Variants in NBEA observed in about 807,000 individuals in gnomAD.
The protein encoded by NBEA is neurobeachin.
NBEA carries 44 observed loss-of-function variants against 343.4 expected under a neutral mutation model. The observed-to-expected ratio is 0.13, with a 90% CI of 0.10 to 0.16. NBEA has a LOEUF of 0.16. Among genes scored for constraint, NBEA ranks in the 10% least tolerant of loss-of-function variants. The pLI is 1.00. For synonymous variants in NBEA, 1,175 were observed against 1,238.7 expected, an observed-to-expected ratio of 0.95 and a Z score of 1.08; for missense variants, 2,555 against 3,631.3, an observed-to-expected ratio of 0.70 and a Z score of 7.62.
chr13:35,230,016 A>G (rs2074879845), intron 33 of NBEA, among the ~76,000 whole-genome samples: 1 of 152,136 alleles, frequency 6.6e-6, no homozygotes, highest in Admixed American at 6.6e-5. Flanking sequence ...TGCTGAGTAA[A>G]ATATTATATT....
intron 10 of NBEA, among the ~76,000 whole-genome samples, chr13:35,080,722 G>C (rs1372755331): frequency 6.6e-6 from 1 of 152,132 alleles, no homozygotes; most frequent in Admixed American, 6.5e-5. Flanking sequence ...AGAAACATAA[G>C]GAGTTCTAGT....
At chr13:35,542,046 C>G (rs996191943) in intron 41 of NBEA, among the ~76,000 whole-genome samples, 6 of 151,786 alleles carry the variant, frequency 4.0e-5, no homozygotes, top group African/African-American at 1.5e-4. Flanking sequence ...CTAAGGTAAG[C>G]AGGTCCATAA....
chr13:35,123,200 A>G (rs1235230140), intron 16 of NBEA, among the ~76,000 whole-genome samples: 2 of 152,222 alleles, frequency 1.3e-5, no homozygotes, highest in Non-Finnish European at 2.9e-5. Context: ...GCCAATTCTT[A>G]GAGAGAAGAC....
intron 39 of NBEA, among the ~76,000 whole-genome samples, chr13:35,443,146 A>T (rs1425959140): frequency 6.6e-6 from 1 of 152,096 alleles, no homozygotes; most frequent in African/African-American, 2.4e-5. Flanking sequence ...CTAATGCTGC[A>T]CATTTACTAT....
chr13:35,553,745 C>T (rs1370937445), intron 43 of NBEA, among the ~76,000 whole-genome samples: 1 of 152,148 alleles, frequency 6.6e-6, no homozygotes, highest in Non-Finnish European at 1.5e-5. Context: ...CCAAACTAAA[C>T]ACGAAGGAGT....
chr13:35,254,098 C>A (rs1277984957), intron 34 of NBEA, among the ~76,000 whole-genome samples: 1 of 151,840 alleles, frequency 6.6e-6, no homozygotes, highest in African/African-American at 2.4e-5. Context: ...ATCTAATTTT[C>A]AGCTGAAAAA....
intron 41 of NBEA, among the ~76,000 whole-genome samples, chr13:35,495,520 CT>C (rs1401816369): frequency 6.6e-6 from 1 of 151,964 alleles, no homozygotes; most frequent in East Asian, 1.9e-4. Context: ...GTGTTGCATC[CT>C]GACAAACCCA....
chr13:35,153,803 C>G (rs1024366832), intron 18 of NBEA, among the ~76,000 whole-genome samples: 1 of 152,140 alleles, frequency 6.6e-6, no homozygotes, highest in East Asian at 1.9e-4. Flanking sequence ...TTCCTTTAAG[C>G]TCGTCTGAAG....
intron 38 of NBEA, among the ~76,000 whole-genome samples, chr13:35,394,635 A>G (rs1329552511): frequency 6.6e-6 from 1 of 152,126 alleles, no homozygotes; most frequent in Non-Finnish European, 1.5e-5. Context: ...TCCACATAAC[A>G]TATGCATATA....
chr13:35,464,179 G>A (rs1047692559), intron 40 of NBEA, among the ~76,000 whole-genome samples: 1 of 151,978 alleles, frequency 6.6e-6, no homozygotes, highest in Non-Finnish European at 1.5e-5. Flanking sequence ...CCAGAAAAAG[G>A]GTAAACCCCA....
chr13:35,298,255 GCTT>G (rs2036291953), intron 35 of NBEA, among the ~76,000 whole-genome samples: 2 of 100,570 alleles, frequency 2.0e-5, no homozygotes, highest in Non-Finnish European at 4.2e-5. Flanking sequence ...ATATGTATAT[GCTT>G]CTTTTTTTAA....
chr13:35,425,151 G>T (rs958197756), intron 38 of NBEA, among the ~76,000 whole-genome samples: 1 of 152,072 alleles, frequency 6.6e-6, no homozygotes, highest in African/African-American at 2.4e-5. Flanking sequence ...ATTTCCTTCA[G>T]TTCTGCTCTA....
chr13:35,451,346 T>A (rs1293439300), intron 39 of NBEA, among the ~76,000 whole-genome samples: 1 of 152,142 alleles, frequency 6.6e-6, no homozygotes, highest in East Asian at 1.9e-4. Context: ...GATGGTCTCA[T>A]CTCCTGACCT....
chr13:35,411,862 T>C (rs1324202763), intron 38 of NBEA, among the ~76,000 whole-genome samples: 1 of 152,102 alleles, frequency 6.6e-6, no homozygotes, highest in African/African-American at 2.4e-5. Context: ...AGTTTTTTAT[T>C]TGTAAACTTC....
At chr13:35,019,115 T>C (rs903158891) in intron 1 of NBEA, among the ~76,000 whole-genome samples, 1 of 151,812 alleles carries the variant, frequency 6.6e-6, no homozygotes, top group African/African-American at 2.4e-5. Context: ...GGTCATGATG[T>C]CTTTTTTGTT....
chr13:35,671,154 G>T lies in NBEA; in HGVS notation c.*163G>T. 1 of 566,304 alleles carries T rather than the reference G, an allele frequency of 1.8e-6. No homozygotes were observed. Among genetic ancestry groups the T allele is most frequent in the Non-Finnish European group, 3.2e-6 (1 of 316,566 alleles). The allele number at this position is 566,304 out of a possible 1,614,324, so 35.1% of individuals were successfully genotyped here. ...TTGTAGTCAGCAACCATTTTACTTT[G>T]TGTGTTTTTTCACGACTGAACACCA... is the stretch of plus-strand genomic sequence containing the variant. On this transcript the variant is annotated 3_prime_UTR_variant, in exon 59 of 59. Coordinates refer to ENST00000379939, the MANE Select transcript of NBEA (RefSeq NM_001385012.1).
intron 38 of NBEA, among the ~76,000 whole-genome samples, chr13:35,393,045 TTCTGAGAAGCTGTTTTTTTACA>T (rs562666854): frequency 6.8e-4 from 103 of 152,280 alleles, no homozygotes; most frequent in African/African-American, 2.5e-3. Context: ...TCTACATTCT[TTCTGAGAAGCTGTTTTTTTACA>T]ACCTCTCTAG....
At chr13:35,522,169 G>A (rs1397375086) in intron 41 of NBEA, among the ~76,000 whole-genome samples, 1 of 151,900 alleles carries the variant, frequency 6.6e-6, no homozygotes, top group Non-Finnish European at 1.5e-5. Flanking sequence ...GATGCTGGGG[G>A]TGGTTGGCTG....
chr13:35,259,862 G>T (rs2033050208), intron 34 of NBEA, among the ~76,000 whole-genome samples: 1 of 152,056 alleles, frequency 6.6e-6, no homozygotes, highest in South Asian at 2.1e-4. Context: ...TTCAATCAAA[G>T]AAATGTTATT....
Sources: allele counts gnomAD v4.1 joint callset (sites outside exome capture counted in the v4.1 genomes callset), GRCh38; gene constraint gnomAD v4.1.1; transcripts MANE v1.5; gene names NCBI Gene and HGNC (gene_info 2026-07-23, HGNC 2026-07-21).